CFDP1: variants seen among roughly 807,000 people sequenced by gnomAD.
CFDP1 encodes the protein heterochromatin-stabilizing protein CFDP1.
Under a neutral mutation model 40.1 loss-of-function variants are expected in CFDP1, and 31 were observed. The ratio of observed to expected loss-of-function variants is 0.77; its 90% CI spans 0.58 to 1.04. CFDP1 has a LOEUF of 1.04. Among genes scored for constraint, CFDP1 ranks in the 50% least tolerant of loss-of-function variants. The pLI is 0.00. For missense variants in CFDP1, 423 were observed against 343.4 expected (o/e 1.23, Z -1.83); for synonymous variants, 167 against 120.0 (o/e 1.39, Z -2.56).
At chr16:75,309,401 G>T (rs773282262) in intron 5 of CFDP1, among the ~76,000 whole-genome samples, 1 of 151,946 alleles carries the variant, frequency 6.6e-6, no homozygotes, top group Non-Finnish European at 1.5e-5. Flanking sequence ...CTTCAGCCAC[G>T]CACCTCCGAG....
chr16:75,432,364 C>A (rs1471343816), intron 1 of CFDP1, among the ~76,000 whole-genome samples: 4 of 78,660 alleles, frequency 5.1e-5, no homozygotes, highest in Admixed American at 3.8e-4. Context: ...AGCAAGATGC[C>A]ATTTCTAAAA....
chr16:75,399,745 G>A lies in CFDP1; in HGVS notation c.531-4536C>T, dbSNP rs2079032232. On this transcript the variant is annotated intron_variant, in intron 4 of 6. Transcript: ENST00000283882. ...GCCTGTAATTCCAGCACTTTGGGAG[G>A]CCAAGGGCGGGAGGATTACTTGAGC... 2.0e-5 allele frequency among the ~76,000 whole-genome samples: 3 copies of A among 151,938 alleles called. 1 individual carries two copies. The South Asian group carries it at 6.3e-4, about 32-fold the overall frequency.
At chr16:75,308,830 T>C (rs905940826) in intron 5 of CFDP1, among the ~76,000 whole-genome samples, 2 of 152,146 alleles carry the variant, frequency 1.3e-5, no homozygotes, top group African/African-American at 4.8e-5. Flanking sequence ...GAGAAGTCTA[T>C]GAGAAACTTG....
At chr16:75,405,151 G>A (rs112912717) in intron 4 of CFDP1, among the ~76,000 whole-genome samples, 1 of 152,154 alleles carries the variant, frequency 6.6e-6, no homozygotes, top group Non-Finnish European at 1.5e-5. Flanking sequence ...AGTTAGGCCA[G>A]ATTTGCAAGG....
rs59380218 is a variant in CFDP1 at position 75,349,680 on chromosome 16, A to ATATAT, written c.651-44499_651-44498insATATA. Among the ~76,000 whole-genome samples the ATATAT allele has an allele frequency of 4.6e-3, 31 of 6,668 alleles. 3 individuals carry two copies. The highest frequency in any genetic ancestry group is 0.013 in the African/African-American group (29 of 2,306). 4.4% of individuals were successfully genotyped at this position (6,668 alleles called of 152,430 possible). On this transcript the variant is annotated intron_variant, in intron 5 of 6. Coordinates refer to ENST00000283882, the MANE Select transcript of CFDP1 (RefSeq NM_006324.3). Reference sequence around the variant, plus strand: ...AAAAAAAAAAAAAAAAAAAAAAAAAAAAAAAAAAAAATATATATACATACA... The same window carrying ATATAT: ...AAAAAAAAAAAAAAAAAAAAAAAAAATATATAAAAAAAAAAATATATATACATACA...
At chr16:75,400,171 G>C (rs1241227461) in intron 4 of CFDP1, among the ~76,000 whole-genome samples, 3 of 151,268 alleles carry the variant, frequency 2.0e-5, no homozygotes, top group African/African-American at 4.9e-5. Context: ...AGTCCTAGAT[G>C]CTTGGGAGGC....
At chr16:75,299,502 G>A (rs1327762630) in intron 6 of CFDP1, among the ~76,000 whole-genome samples, 1 of 151,972 alleles carries the variant, frequency 6.6e-6, no homozygotes, top group Non-Finnish European at 1.5e-5. Flanking sequence ...GGCTGAGGCA[G>A]GAGAATGGCG....
chr16:75,366,750 C>G (rs531633585), intron 5 of CFDP1, among the ~76,000 whole-genome samples: 1 of 152,142 alleles, frequency 6.6e-6, no homozygotes, highest in Admixed American at 6.5e-5. Context: ...CTGGAGGGCT[C>G]CCATCTTCTG....
intron 4 of CFDP1, among the ~76,000 whole-genome samples, chr16:75,397,233 G>A (rs924295580): frequency 2.0e-5 from 3 of 151,230 alleles, no homozygotes; most frequent in East Asian, 4.0e-4. Context: ...TTTAAAACCA[G>A]GCCAGGTACA....
At chr16:75,428,146 T>C (rs1235868371) in intron 1 of CFDP1, among the ~76,000 whole-genome samples, 1 of 143,632 alleles carries the variant, frequency 7.0e-6, no homozygotes, top group Admixed American at 7.2e-5. Flanking sequence ...TTTTTTTTTT[T>C]AAGAGGGTTG....
At chr16:75,393,707 C>T (rs1007906290) in intron 5 of CFDP1, among the ~76,000 whole-genome samples, 4 of 115,752 alleles carry the variant, frequency 3.5e-5, no homozygotes, top group African/African-American at 1.0e-4. Flanking sequence ...GTCCGCAGTC[C>T]GGCCTGGGCG....
intron 5 of CFDP1, among the ~76,000 whole-genome samples, chr16:75,349,517 A>G (rs980423705): frequency 1.3e-5 from 2 of 148,550 alleles, no homozygotes; most frequent in African/African-American, 5.0e-5. Context: ...TCAAAAAAAG[A>G]AAAAAAAGAA....
chr16:75,364,009 A>C (rs941393090), intron 5 of CFDP1, among the ~76,000 whole-genome samples: 10 of 151,306 alleles, frequency 6.6e-5, no homozygotes, highest in Non-Finnish European at 1.2e-4. Flanking sequence ...GTGCTACAGA[A>C]AAGAATTAGG....
At chr16:75,414,813 C>T in intron 1 of CFDP1, 118 bp from the exon 2 acceptor site, 1 of 697,922 alleles carries the variant, frequency 1.4e-6, no homozygotes, top group South Asian at 1.9e-5. Flanking sequence ...AGTGAATTTT[C>T]CCCTACTCTT....
intron 5 of CFDP1, among the ~76,000 whole-genome samples, chr16:75,344,041 A>G (rs1452489797): frequency 6.6e-6 from 1 of 152,198 alleles, no homozygotes; most frequent in Non-Finnish European, 1.5e-5. Context: ...AGCACGAATA[A>G]TTTTAGAGGT....
At chr16:75,298,743 T>A (rs943553398) in intron 6 of CFDP1, among the ~76,000 whole-genome samples, 5 of 152,230 alleles carry the variant, frequency 3.3e-5, no homozygotes, top group African/African-American at 1.2e-4. Flanking sequence ...TCTCAAGGGT[T>A]AGACTGGAAG....
intron 2 of CFDP1, 96 bp from the exon 3 acceptor site, chr16:75,412,850 A>G (rs2151586761): frequency 1.0e-6 from 1 of 956,734 alleles, no homozygotes; most frequent in East Asian, 2.4e-5. Flanking sequence ...AAACCCAAGA[A>G]CACTTTAAAT....
intron 1 of CFDP1, among the ~76,000 whole-genome samples, chr16:75,429,104 CAG>C (rs1232900774): frequency 2.0e-5 from 3 of 151,566 alleles, no homozygotes; most frequent in Non-Finnish European, 4.4e-5. Flanking sequence ...ACAAGAGAGA[CAG>C]AGTCTGTCTC....
chr16:75,298,192 C>T (rs1036857511), intron 6 of CFDP1, among the ~76,000 whole-genome samples: 4 of 152,120 alleles, frequency 2.6e-5, no homozygotes, highest in Admixed American at 6.5e-5. Context: ...TTGCTGATGA[C>T]GTAAAAGCAA....
Sources: gnomAD v4.1 joint callset for allele counts (sites outside exome capture counted in the v4.1 genomes callset) on GRCh38, gnomAD v4.1.1 for gene constraint, MANE v1.5 for transcripts, NCBI Gene and HGNC (gene_info 2026-07-23, HGNC 2026-07-21) for gene names.